Variants in AGAP1 observed in about 807,000 individuals in gnomAD.
The protein encoded by AGAP1 is arf-GAP with GTPase, ANK repeat and PH domain-containing protein 1.
AGAP1 carries 29 observed loss-of-function variants against 105.3 expected under a neutral mutation model. The observed-to-expected ratio is 0.28, with a 90% confidence interval of 0.21 to 0.38. The LOEUF (loss-of-function observed/expected upper bound fraction) is 0.38, where lower values mean the gene tolerates loss of function less well. AGAP1 is among the 10% of genes least tolerant of loss of function. AGAP1 has a pLI of 1.00. For missense variants in AGAP1, 998 were observed against 1,165.1 expected (o/e 0.86, Z 2.09); for synonymous variants, 509 against 485.9 (o/e 1.05, Z -0.63).
In AGAP1 at chr2:236,014,735, T is replaced by C; in HGVS notation, c.1646-21826T>C. On this transcript the variant is annotated intron_variant, in intron 13 of 17. Transcript: ENST00000304032. The surrounding 1 kb of genome is among the most constrained non-coding windows in gnomAD (Gnocchi z 6.3). ...CTTTGACCTTTTTTTTTCTCCCCTT[T>C]TCATTTGTTTTCTTTTCCTTTTTGT... 2.6e-6 allele frequency: 1 copy of C among 391,806 alleles called. No individual in the cohort carries two copies. The highest frequency in any genetic ancestry group is 1.9e-5 in the South Asian group (1 of 51,512). 24.3% of individuals were successfully genotyped at this position (391,806 alleles called of 1,614,324 possible).
intron 1 of AGAP1, among the ~76,000 whole-genome samples, chr2:235,668,673 A>G (rs949136935): frequency 3.9e-5 from 6 of 152,264 alleles, no homozygotes; most frequent in Non-Finnish European, 1.5e-5. Context: ...GGCCTCCGAT[A>G]ACATCCTAGA....
In AGAP1 at chr2:236,042,690, C is replaced by T. The variant is rs558732644; in HGVS notation, c.1891+1849C>T. Among the ~76,000 whole-genome samples the T allele has an allele frequency of 6.6e-6, 1 of 152,016 alleles. No homozygotes were observed. The highest frequency in any genetic ancestry group is 1.9e-4 in the East Asian group (1 of 5,164). ...GGTCGCAGGTCCTGTCTGAGATGAG[C>T]TTGTGCATGTGAGTGCGGATGGGGG... On this transcript the variant is annotated intron_variant, in intron 15 of 17. Transcript: ENST00000304032. This position sits in a 1 kb window ranked among gnomAD's most constrained non-coding sequence, Gnocchi z 5.6.
At chr2:235,693,560 C>A (rs572478946) in intron 1 of AGAP1, among the ~76,000 whole-genome samples, 3 of 152,136 alleles carry the variant, frequency 2.0e-5, no homozygotes, top group South Asian at 2.1e-4. Flanking sequence ...GGAAAGCTCT[C>A]ATTAAAAGAG....
rs1038135920 is a variant in AGAP1 at position 235,962,806 on chromosome 2, T to C, written c.1484-5656T>C. On this transcript the variant is annotated intron_variant, in intron 12 of 17. Transcript: ENST00000304032. This position sits in a 1 kb window ranked among gnomAD's most constrained non-coding sequence, Gnocchi z 5.3. The stretch of plus-strand genomic sequence containing the variant: ...TTGATATTTTAGGTATTTGAGACTG[T>C]TCTTTGTGGCAGGGGCTGTCCTGTG... 6.6e-5 allele frequency among the ~76,000 whole-genome samples: 10 copies of C among 152,164 alleles called. No individual in the cohort carries two copies. The East Asian group carries it at 1.9e-3, about 29-fold the overall frequency.
chr2:235,890,770 T>A (rs2050499593), intron 10 of AGAP1, among the ~76,000 whole-genome samples: 1 of 152,128 alleles, frequency 6.6e-6, no homozygotes, highest in African/African-American at 2.4e-5. Context: ...TTTCACTGGG[T>A]AGGAAGTTTG....
At chr2:236,024,123 C>G (rs946812279) in intron 13 of AGAP1, among the ~76,000 whole-genome samples, 2 of 143,220 alleles carry the variant, frequency 1.4e-5, no homozygotes, top group East Asian at 4.1e-4. Flanking sequence ...CTCCGCCTCC[C>G]GGGTTCAAGC....
chr2:235,501,940 A>G (rs1010723240), intron 1 of AGAP1, among the ~76,000 whole-genome samples: 1 of 152,146 alleles, frequency 6.6e-6, no homozygotes, highest in Middle Eastern at 3.2e-3. Flanking sequence ...TTCTCCGAGA[A>G]ACAAAATGCA....
In AGAP1 at chr2:235,931,158, C is replaced by T. The variant is rs115034100; in HGVS notation, c.1483+235C>T. Among the ~76,000 whole-genome samples, 190 of 152,326 alleles carry T rather than the reference C, an allele frequency of 1.2e-3. No homozygotes were observed. Among genetic ancestry groups the T allele is most frequent in the African/African-American group, 4.4e-3 (182 of 41,596 alleles). The stretch of plus-strand genomic sequence containing the variant: ...CTCTTTGGCACAGGGAGGAGGTAGT[C>T]ATCCCATTTGGTCAGTTTGGAAACT... On this transcript the variant is annotated intron_variant, in intron 12 of 17. Transcript: ENST00000304032. This position sits in a 1 kb window ranked among gnomAD's most constrained non-coding sequence, Gnocchi z 5.6.
At chr2:235,848,155 C>T (rs1961731122) in intron 9 of AGAP1, among the ~76,000 whole-genome samples, 1 of 152,188 alleles carries the variant, frequency 6.6e-6, no homozygotes, top group Non-Finnish European at 1.5e-5. Context: ...AGCCATGGCT[C>T]ATACAGCCGT....
chr2:235,819,913 T>G (rs1257280523), intron 9 of AGAP1, among the ~76,000 whole-genome samples: 1 of 149,938 alleles, frequency 6.7e-6, no homozygotes, highest in African/African-American at 2.4e-5. Flanking sequence ...TCTTTTTTTT[T>G]TTTTTTTGAG....
At chr2:235,869,174 G>A (rs1328032480) in intron 9 of AGAP1, among the ~76,000 whole-genome samples, 4 of 152,064 alleles carry the variant, frequency 2.6e-5, no homozygotes, top group African/African-American at 4.8e-5. Flanking sequence ...GCATAGCAGC[G>A]GGGTAACAAG....
At chr2:235,671,335 ACCT>A (rs1948412942) in intron 1 of AGAP1, among the ~76,000 whole-genome samples, 1 of 151,748 alleles carries the variant, frequency 6.6e-6, no homozygotes, top group South Asian at 2.1e-4. Context: ...GCCGGCGCCG[ACCT>A]CCTTCGCGTG....
chr2:236,006,341 T>A (rs1191616993), intron 13 of AGAP1, among the ~76,000 whole-genome samples: 1 of 152,192 alleles, frequency 6.6e-6, no homozygotes, highest in Non-Finnish European at 1.5e-5. Context: ...TGGTTCCTTT[T>A]ACTGGAGAAT....
chr2:235,603,934 G>A (rs1945826869), intron 1 of AGAP1, among the ~76,000 whole-genome samples: 1 of 152,162 alleles, frequency 6.6e-6, no homozygotes, highest in African/African-American at 2.4e-5. Context: ...GCAAGTTGCA[G>A]TCTTGGCACA....
At chr2:236,043,710 G>A (rs2057627845) in intron 15 of AGAP1, among the ~76,000 whole-genome samples, 1 of 146,910 alleles carries the variant, frequency 6.8e-6, no homozygotes, top group Admixed American at 7.0e-5. Flanking sequence ...GACAGAGTGA[G>A]ATTTCGTCTC....
At chr2:235,825,214 A>G (rs1458594995) in intron 9 of AGAP1, among the ~76,000 whole-genome samples, 1 of 152,170 alleles carries the variant, frequency 6.6e-6, no homozygotes, top group South Asian at 2.1e-4. Flanking sequence ...TTCCTTCTTG[A>G]CCGAGGGGAG....
intron 13 of AGAP1, among the ~76,000 whole-genome samples, chr2:236,007,578 AAC>A (rs1224207597): frequency 6.6e-6 from 1 of 152,246 alleles, no homozygotes; most frequent in Non-Finnish European, 1.5e-5. Context: ...GAAATATGAT[AAC>A]ACAATTTGGA....
In AGAP1 at chr2:235,562,151, G is replaced by T. The variant is rs560862351; in HGVS notation, c.163+67302G>T. ...AATCAGTTTTTAGTTAACTTTTAAG[G>T]CTATTCACCATGATTTAAAGTGATT... is the stretch of plus-strand genomic sequence containing the variant. On this transcript the variant is annotated intron_variant, in intron 1 of 17. Coordinates refer to ENST00000304032, the MANE Select transcript of AGAP1 (RefSeq NM_001037131.3). 3.9e-5 allele frequency among the ~76,000 whole-genome samples: 6 copies of T among 152,210 alleles called. No homozygotes were observed. The South Asian group carries it at 8.3e-4, about 21-fold the overall frequency.
chr2:235,616,134 A>T (rs1946299313), intron 1 of AGAP1, among the ~76,000 whole-genome samples: 3 of 152,128 alleles, frequency 2.0e-5, no homozygotes, highest in Admixed American at 2.0e-4. Flanking sequence ...AGGTAGAGGC[A>T]GGCATATCAC....
Sources: allele counts gnomAD v4.1 joint callset (sites outside exome capture counted in the v4.1 genomes callset), GRCh38; gene constraint gnomAD v4.1.1; non-coding constraint Gnocchi (gnomAD v3.1); transcripts MANE v1.5; gene names NCBI Gene and HGNC (gene_info 2026-07-23, HGNC 2026-07-21).